CEP85L: variants seen among roughly 807,000 people sequenced by gnomAD.
The protein encoded by CEP85L is centrosomal protein 85L, also known as centrosomal protein of 85 kDa-like.
Under a neutral mutation model 100.3 loss-of-function variants are expected in CEP85L, and 60 were observed. The observed-to-expected ratio is 0.60, with a 90% CI of 0.49 to 0.74. CEP85L has a LOEUF of 0.74. CEP85L is among the 30% of genes least tolerant of loss of function. The probability of loss-of-function intolerance (pLI) is 0.00; values close to 1 mark genes in which losing one functional copy is unlikely to be tolerated. For synonymous variants in CEP85L, 319 were observed against 322.7 expected, an observed-to-expected ratio of 0.99 and a Z score of 0.12; for missense variants, 973 against 936.2, an observed-to-expected ratio of 1.04 and a Z score of -0.51.
chr6:118,611,311 A>T (rs1301054122), intron 2 of CEP85L, among the ~76,000 whole-genome samples: 1 of 152,210 alleles, frequency 6.6e-6, no homozygotes, highest in Admixed American at 6.5e-5. Context: ...ACTGTGATAC[A>T]TATGTATATA....
intron 3 of CEP85L, among the ~76,000 whole-genome samples, chr6:118,550,092 A>T (rs1375454771): frequency 6.6e-6 from 1 of 151,946 alleles, no homozygotes; most frequent in Non-Finnish European, 1.5e-5. Flanking sequence ...AAAGATGTTT[A>T]AATTAAGAAG....
chr6:118,645,655 G>A (rs1230972648), intron 1 of CEP85L, among the ~76,000 whole-genome samples: 1 of 152,192 alleles, frequency 6.6e-6, no homozygotes, highest in Non-Finnish European at 1.5e-5. Context: ...CTGACTGACA[G>A]AGTGAGACAC....
intron 3 of CEP85L, among the ~76,000 whole-genome samples, chr6:118,528,530 T>C (rs1777104190): frequency 6.6e-6 from 1 of 152,142 alleles, no homozygotes; most frequent in South Asian, 2.1e-4. Context: ...ATACAATATA[T>C]TTAAAATTTA....
chr6:118,617,705 A>G (rs368466152), intron 2 of CEP85L, among the ~76,000 whole-genome samples: 1 of 152,084 alleles, frequency 6.6e-6, no homozygotes, highest in Non-Finnish European at 1.5e-5. Flanking sequence ...CCTACAGCTC[A>G]TTCTCTCTCT....
At chr6:118,653,628 A>G (rs1412454629), upstream of CEP85L, among the ~76,000 whole-genome samples, 1 of 152,206 alleles carries the variant, frequency 6.6e-6, no homozygotes, top group Non-Finnish European at 1.5e-5. Flanking sequence ...TTGTTGTGAC[A>G]GTGTGTTAGG....
At chr6:118,654,946 G>T (rs987185787), upstream of CEP85L, among the ~76,000 whole-genome samples, 4 of 152,188 alleles carry the variant, frequency 2.6e-5, no homozygotes, top group Non-Finnish European at 5.9e-5. Context: ...GTCAGTTGTA[G>T]ATGATAATTT....
At chr6:118,502,070 A>C (rs1775341766) in intron 5 of CEP85L, 2 of 865,854 alleles carry the variant, frequency 2.3e-6, no homozygotes, top group Admixed American at 4.2e-5. Context: ...CATCCTGTGG[A>C]TCCCATTGTA....
intron 12 of CEP85L, among the ~76,000 whole-genome samples, chr6:118,467,372 A>G (rs1772606537): frequency 6.6e-6 from 1 of 152,138 alleles, no homozygotes; most frequent in Admixed American, 6.6e-5. Flanking sequence ...TCCACAGAAG[A>G]CAGAGACTGA....
At chr6:118,522,381 A>G (rs568370709) in intron 4 of CEP85L, among the ~76,000 whole-genome samples, 1 of 152,262 alleles carries the variant, frequency 6.6e-6, no homozygotes, top group South Asian at 2.1e-4. Flanking sequence ...AATTGCACCT[A>G]TATTAAATTA....
intron 2 of CEP85L, among the ~76,000 whole-genome samples, chr6:118,612,827 A>T (rs943645826): frequency 6.6e-6 from 1 of 152,058 alleles, no homozygotes; most frequent in African/African-American, 2.4e-5. Flanking sequence ...CAAATGAGAA[A>T]ATTAATGTGA....
chr6:118,664,668 T>C (rs764702181), intron 1 of CEP85L: 2 of 152,204 alleles, frequency 1.3e-5, no homozygotes, highest in Admixed American at 6.5e-5. Context: ...ACTTTAAAGT[T>C]TTCACAGTTG....
intron 4 of CEP85L, among the ~76,000 whole-genome samples, chr6:118,520,893 T>A (rs1436909101): frequency 6.6e-6 from 1 of 152,226 alleles, no homozygotes; most frequent in Non-Finnish European, 1.5e-5. Context: ...CTGAAGTTAA[T>A]CTATACACTT....
intron 2 of CEP85L, among the ~76,000 whole-genome samples, chr6:118,566,831 T>C (rs1237359229): frequency 1.3e-5 from 2 of 152,202 alleles, no homozygotes; most frequent in Admixed American, 1.3e-4. Flanking sequence ...GGATACCTAA[T>C]AGAGTATATG....
intron 3 of CEP85L, among the ~76,000 whole-genome samples, chr6:118,545,512 CGA>C (rs1778146667): frequency 6.6e-6 from 1 of 152,090 alleles, no homozygotes; most frequent in South Asian, 2.1e-4. Context: ...CGCTTGAACC[CGA>C]GAGGGAGAGG....
chr6:118,627,446 C>A (rs1013563961), intron 2 of CEP85L, among the ~76,000 whole-genome samples: 2 of 152,190 alleles, frequency 1.3e-5, no homozygotes, highest in African/African-American at 4.8e-5. Flanking sequence ...CCAAAGAGAA[C>A]TGAGGTCACA....
intron 2 of CEP85L, among the ~76,000 whole-genome samples, chr6:118,619,742 T>C (rs1225248799): frequency 3.3e-5 from 5 of 152,198 alleles, no homozygotes; most frequent in East Asian, 3.8e-4. Context: ...AATAACTATA[T>C]AGATGTCTTA....
intron 4 of CEP85L, among the ~76,000 whole-genome samples, chr6:118,521,108 G>A (rs919831187): frequency 1.3e-5 from 2 of 152,104 alleles, no homozygotes; most frequent in African/African-American, 4.8e-5. Flanking sequence ...TGATTTGAAA[G>A]GTATCGCTGA....
intron 1 of CEP85L, among the ~76,000 whole-genome samples, chr6:118,687,433 G>T (rs1232717168): frequency 6.6e-6 from 1 of 152,176 alleles, no homozygotes; most frequent in South Asian, 2.1e-4. Context: ...CCTAAGCCTA[G>T]CTGGGAAGGT....
intron 1 of CEP85L, among the ~76,000 whole-genome samples, chr6:118,690,825 C>T (rs1349790930): frequency 6.6e-6 from 1 of 151,764 alleles, no homozygotes; most frequent in African/African-American, 2.4e-5. Context: ...ATATTGAGAC[C>T]TCATATCCAA....
Sources: gnomAD v4.1 joint callset for allele counts (sites outside exome capture counted in the v4.1 genomes callset) on GRCh38, gnomAD v4.1.1 for gene constraint, MANE v1.5 for transcripts, NCBI Gene and HGNC (gene_info 2026-07-23, HGNC 2026-07-21) for gene names.